Variants in CCNB3 observed in about 807,000 individuals in gnomAD.
CCNB3 encodes the protein G2/mitotic-specific cyclin-B3.
Under a neutral mutation model 68.0 loss-of-function variants are expected in CCNB3, and 12 were observed. That is an observed-to-expected ratio of 0.18 (90% confidence interval 0.11 to 0.29). The LOEUF is 0.29. Among genes scored for constraint, CCNB3 ranks in the 10% least tolerant of loss-of-function variants. The pLI is 1.00. For synonymous variants in CCNB3, 354 were observed against 388.9 expected, an observed-to-expected ratio of 0.91 and a Z score of 1.06; for missense variants, 904 against 993.1, an observed-to-expected ratio of 0.91 and a Z score of 1.21.
intron 5 of CCNB3, among the ~76,000 whole-genome samples, chrX:50,298,192 G>T (rs1936524342): frequency 9.0e-6 from 1 of 111,562 alleles, no homozygotes; most frequent in African/African-American, 3.3e-5. Flanking sequence ...GTGAGAGAGG[G>T]CATCCCTGTC....
intron 1 of CCNB3, among the ~76,000 whole-genome samples, chrX:50,279,569 T>A (rs1189380380): frequency 4.6e-5 from 4 of 86,635 alleles, no homozygotes; most frequent in Non-Finnish European, 8.6e-5. Context: ...GAATATATAT[T>A]TTCTATATAT....
chrX:50,325,486 G>A (rs1479660920), intron 8 of CCNB3, among the ~76,000 whole-genome samples: 1 of 112,297 alleles, frequency 8.9e-6, no homozygotes, highest in African/African-American at 3.2e-5. Context: ...GTTCTGATTG[G>A]TAGATGGTAT....
intron 8 of CCNB3, among the ~76,000 whole-genome samples, chrX:50,333,743 G>A (rs1378640512): frequency 9.0e-6 from 1 of 110,802 alleles, no homozygotes; most frequent in Non-Finnish European, 1.9e-5. Flanking sequence ...GTTTGAGGGA[G>A]TAAGGGGGCT....
chrX:50,339,184 C>T (rs1162795395), intron 8 of CCNB3, among the ~76,000 whole-genome samples: 3 of 112,229 alleles, frequency 2.7e-5, no homozygotes, highest in African/African-American at 9.7e-5. Flanking sequence ...ATGACATGTG[C>T]CCAAGGTAGT....
chrX:50,279,869 TAAAA>T (rs1936076270), intron 1 of CCNB3, among the ~76,000 whole-genome samples: 3 of 87,030 alleles, frequency 3.4e-5, no homozygotes, highest in Non-Finnish European at 6.3e-5. Context: ...ATACTATATA[TAAAA>T]TATATATAGT....
chrX:50,216,969 G>A (rs1419275704), intron 1 of CCNB3, among the ~76,000 whole-genome samples: 1 of 110,380 alleles, frequency 9.1e-6, no homozygotes, highest in African/African-American at 3.3e-5. Context: ...TTTATTTTTT[G>A]ATATTACTGT....
In CCNB3 at chrX:50,294,849, CT is replaced by C. The variant is rs782035784; in HGVS notation, c.205-5del. ...CTTCTTCCCCTGCCCCCCAACCCAC[CT>C]TTTTTTTTGCAGGCTTCTCAATGTC... is the stretch of plus-strand genomic sequence containing the variant. On this transcript the variant is annotated splice_polypyrimidine_tract_variant and intron_variant, in intron 4 of 12. Coordinates refer to ENST00000376042, the MANE Select transcript of CCNB3 (RefSeq NM_033031.3). The C allele has an allele frequency of 1.6e-4, 188 of 1,146,913 alleles. No homozygotes were observed. In the East Asian group the frequency reaches 2.2e-3, roughly 13 times the overall value. The allele number at this position is 1,146,913 out of a possible 1,213,427, so 94.5% of individuals were successfully genotyped here.
intron 1 of CCNB3, among the ~76,000 whole-genome samples, chrX:50,217,561 C>A (rs1935598615): frequency 9.0e-6 from 1 of 110,930 alleles, no homozygotes; most frequent in South Asian, 3.8e-4. Flanking sequence ...CATGAGCCAC[C>A]GCACCCGGCC....
At chrX:50,226,882 A>G (rs1227969770) in intron 1 of CCNB3, among the ~76,000 whole-genome samples, 3 of 74,751 alleles carry the variant, frequency 4.0e-5, no homozygotes, top group Non-Finnish European at 6.9e-5. Flanking sequence ...GAATATATAT[A>G]GAATATATAG....
At chrX:50,341,677 T>C (rs1171125468) in intron 8 of CCNB3, 2 of 111,680 alleles carry the variant, frequency 1.8e-5, no homozygotes, top group Non-Finnish European at 3.8e-5. Flanking sequence ...AAGGAGGTTA[T>C]ATTATTAATA....
chrX:50,340,430 T>C (rs1321746133), intron 8 of CCNB3, among the ~76,000 whole-genome samples: 2 of 112,520 alleles, frequency 1.8e-5, no homozygotes, highest in African/African-American at 6.5e-5. Flanking sequence ...GATTTTATTC[T>C]CGAATCCTAA....
At chrX:50,313,974 G>T (rs782717899) in intron 8 of CCNB3, 26 bp downstream of exon 8, 22 of 1,097,392 alleles carry the variant, frequency 2.0e-5, no homozygotes, top group Non-Finnish European at 2.4e-5. Context: ...CCTGCCTTAA[G>T]GAGCTGCTGT....
chrX:50,324,072 A>C (rs890388110), intron 8 of CCNB3, among the ~76,000 whole-genome samples: 5 of 112,402 alleles, frequency 4.4e-5, no homozygotes, highest in Non-Finnish European at 9.4e-5. Context: ...TCTGTCACCC[A>C]GACTGGAGTG....
At position 50,310,809 on chromosome X, in the gene CCNB3, G is replaced by T. The variant is rs781879002; in HGVS notation, c.2640G>T (p.Leu880Phe). The T allele has an allele frequency of 2.5e-6, 3 of 1,210,302 alleles. No homozygotes were observed. The highest frequency in any genetic ancestry group is 4.4e-5 in the Admixed American group (2 of 45,796). Residue 880 changes from leucine to phenylalanine, a missense_variant, in exon 6 of 13, where the codon TTG (leucine) becomes TTT (phenylalanine). Transcript: ENST00000376042. ...QEALFKRHSA[L>F]WEKPSTEKET... ...CCCTCTTTAAGCGACACTCAGCTTT[G>T]TGGGAGAAGCCCAGCACTGAGAAGG...
At chrX:50,342,669 C>G (rs1056901317) in intron 9 of CCNB3, among the ~76,000 whole-genome samples, 8 of 111,175 alleles carry the variant, frequency 7.2e-5, no homozygotes, top group Non-Finnish European at 1.3e-4. Flanking sequence ...ATGATATAAA[C>G]TGTTACTAGT....
chrX:50,329,628 A>T (rs189813170), intron 8 of CCNB3, among the ~76,000 whole-genome samples: 37 of 112,658 alleles, frequency 3.3e-4, no homozygotes, highest in African/African-American at 1.1e-3. Context: ...GCTGCCTTGA[A>T]TATCTCTGAA....
At chrX:50,347,528 G>A (rs1476310883) in intron 10 of CCNB3, 98 bp from the exon 11 acceptor site, 2 of 809,011 alleles carry the variant, frequency 2.5e-6, no homozygotes, top group Non-Finnish European at 3.6e-6. Flanking sequence ...CAAACAGAGG[G>A]CCACTGAGGC....
intron 8 of CCNB3, among the ~76,000 whole-genome samples, chrX:50,331,852 C>CT (rs1417696515): frequency 9.0e-6 from 1 of 111,346 alleles, no homozygotes; most frequent in African/African-American, 3.3e-5. Context: ...ACACGCTCCC[C>CT]TTTTTTCCAG....
intron 8 of CCNB3, among the ~76,000 whole-genome samples, chrX:50,317,543 T>G (rs201448516): frequency 3.1e-4 from 31 of 99,716 alleles, no homozygotes; most frequent in African/African-American, 1.1e-3. Context: ...GTATTTAAAT[T>G]TATGTATGTA....
Sources: allele counts gnomAD v4.1 joint callset (sites outside exome capture counted in the v4.1 genomes callset), GRCh38; gene constraint gnomAD v4.1.1; transcripts MANE v1.5; gene names NCBI Gene and HGNC (gene_info 2026-07-23, HGNC 2026-07-21).